SUGP1: variants seen among roughly 807,000 people sequenced by gnomAD.
The protein encoded by SUGP1 is SURP and G-patch domain containing 1, also known as SURP and G-patch domain-containing protein 1.
A neutral mutation model predicts 76.5 loss-of-function variants in SUGP1; 34 were observed. The ratio of observed to expected loss-of-function variants is 0.44; its 90% CI spans 0.34 to 0.59. SUGP1 has a LOEUF of 0.59. Ranked by LOEUF, SUGP1 falls within the 20% of genes least tolerant of loss-of-function variation. The pLI is 0.01. For synonymous variants in SUGP1, 326 were observed against 326.2 expected, an observed-to-expected ratio of 1.00 and a Z score of 0.01; for missense variants, 752 against 851.7, an observed-to-expected ratio of 0.88 and a Z score of 1.46.
chr19:19,299,752 G>C (rs2061256774), intron 7 of SUGP1, among the ~76,000 whole-genome samples: 1 of 151,768 alleles, frequency 6.6e-6, no homozygotes, highest in South Asian at 2.1e-4. Context: ...ATGGGAGAAT[G>C]ACTAGTCCAA....
At chr19:19,302,421 C>T in intron 6 of SUGP1, 33 bp from the exon 7 acceptor site, 2 of 1,605,246 alleles carry the variant, frequency 1.2e-6, no homozygotes, top group Non-Finnish European at 1.7e-6. Context: ...GGGCTCAACT[C>T]ACCACACCCA....
chr19:19,276,906 C>A, intron 13 of SUGP1, 41 bp downstream of exon 13: 1 of 1,609,472 alleles, frequency 6.2e-7, no homozygotes. Flanking sequence ...ACCACCCTCT[C>A]CTGTCGACTG....
At position 19,277,753 on chromosome 19, in the gene SUGP1, T is replaced by G; in HGVS notation, c.1762A>C (p.Ile588Leu). The change falls in exon 12 of 14, where the codon ATC becomes CTC. Residue 588 changes from isoleucine to leucine, a missense_variant. This residue lies in a region of SUGP1 where 132 missense variants were observed against 234.4 expected (regional missense o/e 0.56). Transcript: ENST00000247001. ...ACTCACTTGTTCACTGGGTTCTTGATGCCCTGGCCCTCTGAGCCCAGCCCC... is the reference window on the plus strand; with the variant it reads ...ACTCACTTGTTCACTGGGTTCTTGAGGCCCTGGCCCTCTGAGCCCAGCCCC... Reference protein sequence around the residue: ...GEGLGSEGQGIKNPVNKGTTT... With the variant: ...GEGLGSEGQGLKNPVNKGTTT... The G allele has an allele frequency of 6.2e-7, 1 of 1,614,038 alleles. No individual in the cohort carries two copies.
In SUGP1 at chr19:19,277,032, G is replaced by T. The variant is rs754634640; in HGVS notation, c.1826C>A (p.Pro609Gln). ...GTCGTCCTCCTTGGAGAGCTCCGCCGGCCGGTCAATGCCGAAGCCAGCGCC... is the reference window on the plus strand; with the variant it reads ...GTCGTCCTCCTTGGAGAGCTCCGCCTGCCGGTCAATGCCGAAGCCAGCGCC... ...VDGAGFGIDR[P>Q]AELSKEDDEY... Residue 609 changes from proline to glutamine, a missense_variant, in exon 13 of 14, where the codon CCG becomes CAG. Transcript: ENST00000247001. 6.2e-7 allele frequency: 1 copy of T among 1,612,672 alleles called. No individual in the cohort carries two copies. Among genetic ancestry groups the T allele is most frequent in the Non-Finnish European group, 8.5e-7 (1 of 1,179,928 alleles).
chr19:19,314,718 G>A (rs1397841242), intron 2 of SUGP1, among the ~76,000 whole-genome samples: 1 of 152,176 alleles, frequency 6.6e-6, no homozygotes, highest in Non-Finnish European at 1.5e-5. Flanking sequence ...AAAACCACTG[G>A]TAACAAATAC....
intron 5 of SUGP1, 50 bp from the exon 6 acceptor site, chr19:19,303,498 C>T (rs755523644): frequency 9.8e-6 from 15 of 1,525,658 alleles, no homozygotes; most frequent in Non-Finnish European, 1.2e-5. Flanking sequence ...GTATCTGTGA[C>T]AGGCATATCC....
chr19:19,286,945 C>T (rs1212184373), intron 8 of SUGP1, among the ~76,000 whole-genome samples: 1 of 142,364 alleles, frequency 7.0e-6, no homozygotes. Flanking sequence ...ACTCTGTCTC[C>T]AAAAAAAAAA....
rs980750977 is a variant in SUGP1 at position 19,303,365 on chromosome 19, T to A, written c.746A>T (p.Gln249Leu). The A allele has an allele frequency of 6.2e-6, 10 of 1,614,144 alleles. No individual in the cohort carries two copies. Among genetic ancestry groups the A allele is most frequent in the Non-Finnish European group, 8.5e-6 (10 of 1,180,000 alleles). The change falls in exon 6 of 14, where the codon CAG (glutamine) becomes CTG (leucine). Residue 249 changes from glutamine to leucine, a missense_variant. Gln to Leu is a moderately radical substitution (Grantham distance 113). Transcript: ENST00000247001. Reference protein sequence around the residue: ...AEIRKEAQKSQAASQKVSPPE... With the variant: ...AEIRKEAQKSLAASQKVSPPE... Reference sequence around the variant, plus strand: ...CCACCTACCTTTCTGAGAGGCTGCCTGCGACTTCTGTGCTTCCTTTCTTAT... The same window carrying A: ...CCACCTACCTTTCTGAGAGGCTGCCAGCGACTTCTGTGCTTCCTTTCTTAT...
intron 8 of SUGP1, among the ~76,000 whole-genome samples, chr19:19,292,959 T>C (rs2146604522): frequency 6.6e-6 from 1 of 152,090 alleles, no homozygotes; most frequent in African/African-American, 2.4e-5. Context: ...CAGGCTGGAG[T>C]GCAGTTGCTC....
At chr19:19,309,039 G>T (rs1421751204) in intron 3 of SUGP1, among the ~76,000 whole-genome samples, 1 of 151,972 alleles carries the variant, frequency 6.6e-6, no homozygotes, top group Non-Finnish European at 1.5e-5. Context: ...GCTAATTTTT[G>T]TATTTTTAGT....
chr19:19,313,957 G>C (rs1435498472), intron 2 of SUGP1, among the ~76,000 whole-genome samples: 3 of 151,984 alleles, frequency 2.0e-5, no homozygotes, highest in African/African-American at 4.8e-5. Flanking sequence ...TGGCCAACAT[G>C]ATGAAACCCC....
rs1183371007 is a variant in SUGP1 at position 19,306,086 on chromosome 19, A to G, written c.311-10T>C. On this transcript the variant is annotated splice_polypyrimidine_tract_variant and intron_variant, in intron 3 of 13. Coordinates refer to ENST00000247001, the MANE Select transcript of SUGP1 (RefSeq NM_172231.4). ...GCACTGGTCGGGGCGTCTGGTATAG[A>G]AGGAAGGATATGCGCACTCGGGATC... The G allele has an allele frequency of 3.2e-6, 5 of 1,568,890 alleles. No individual in the cohort carries two copies. In the Admixed American group the frequency reaches 9.5e-5, roughly 30 times the overall value.
chr19:19,281,076 A>T (rs2061094939), intron 8 of SUGP1: 1 of 152,262 alleles, frequency 6.6e-6, no homozygotes, highest in Admixed American at 6.5e-5. Context: ...CTTGGTTTAC[A>T]GGGCACTGAG....
chr19:19,291,895 A>T (rs1484896849), intron 8 of SUGP1, among the ~76,000 whole-genome samples: 1,029 of 97,170 alleles, frequency 0.011, 14 homozygotes, highest in East Asian at 0.038. Context: ...TCTGTCACAC[A>T]CACACACACA....
At chr19:19,307,210 T>C (rs1599866860) in intron 3 of SUGP1, among the ~76,000 whole-genome samples, 1 of 151,814 alleles carries the variant, frequency 6.6e-6, no homozygotes, top group African/African-American at 2.4e-5. Context: ...CGACACCATG[T>C]CTGGCTAATT....
intron 8 of SUGP1, among the ~76,000 whole-genome samples, chr19:19,285,609 A>G (rs1334058478): frequency 6.6e-6 from 1 of 152,146 alleles, no homozygotes; most frequent in African/African-American, 2.4e-5. Context: ...TTTTTTGTCC[A>G]GGCTGGAGTG....
At chr19:19,313,454 T>C (rs2061367130) in intron 2 of SUGP1, among the ~76,000 whole-genome samples, 1 of 152,184 alleles carries the variant, frequency 6.6e-6, no homozygotes, top group Non-Finnish European at 1.5e-5. Context: ...CTCACACCTG[T>C]AAACCTAATG....
chr19:19,316,856 G>C (rs975938877), intron 1 of SUGP1, among the ~76,000 whole-genome samples: 2 of 152,042 alleles, frequency 1.3e-5, no homozygotes, highest in East Asian at 3.9e-4. Context: ...AGTAACTTTC[G>C]GGCTGGTGCA....
chr19:19,316,656 T>C (rs2061396327), intron 1 of SUGP1, 63 bp from the exon 2 acceptor site: 1 of 1,575,602 alleles, frequency 6.3e-7, no homozygotes, highest in Non-Finnish European at 8.7e-7. Flanking sequence ...CAAGAAGCTG[T>C]GACAGGCCAG....
Sources: gnomAD v4.1 joint callset for allele counts (sites outside exome capture counted in the v4.1 genomes callset) on GRCh38, gnomAD v4.1.1 for gene constraint, gnomAD v4.1.1 regional missense constraint, MANE v1.5 for transcripts, NCBI Gene and HGNC (gene_info 2026-07-23, HGNC 2026-07-21) for gene names.